Variants in ADAMTS6 observed in about 807,000 individuals in gnomAD.
ADAMTS6 encodes A disintegrin and metalloproteinase with thrombospondin motifs 6.
A neutral mutation model predicts 144.3 loss-of-function variants in ADAMTS6; 23 were observed. The ratio of observed to expected loss-of-function variants is 0.16; its 90% CI spans 0.11 to 0.23. The LOEUF is 0.23. ADAMTS6 is among the 10% of genes least tolerant of loss of function. ADAMTS6 has a pLI of 1.00. For synonymous variants in ADAMTS6, 444 were observed against 457.5 expected, an observed-to-expected ratio of 0.97 and a Z score of 0.38; for missense variants, 999 against 1,379.6, an observed-to-expected ratio of 0.72 and a Z score of 4.37.
At chr5:65,152,065 A>T in intron 24 of ADAMTS6, 120 bp from the exon 25 acceptor site, 1 of 727,980 alleles carries the variant, frequency 1.4e-6, no homozygotes, top group Non-Finnish European at 2.3e-6. Flanking sequence ...CTTGGCTTCG[A>T]CCTCCATGTG....
intron 7 of ADAMTS6, among the ~76,000 whole-genome samples, chr5:65,449,895 A>C (rs1758600958): frequency 6.6e-6 from 1 of 152,164 alleles, no homozygotes; most frequent in Non-Finnish European, 1.5e-5. Flanking sequence ...AAAGGTAAAA[A>C]TCCAATGGAG....
In ADAMTS6 at chr5:65,470,871, C is replaced by A; in HGVS notation, c.369G>T (p.Trp123Cys). 1 of 1,610,236 alleles carries A rather than the reference C, an allele frequency of 6.2e-7. No homozygotes were observed. Among genetic ancestry groups the A allele is most frequent in the South Asian group, 1.1e-5 (1 of 90,240 alleles). Residue 123 changes from tryptophan (W) to cysteine (C), a missense_variant, in exon 3 of 25, where the codon TGG becomes TGT. By Grantham distance (215) the Trp-to-Cys change is radical. Around this residue, in one of 3 missense-constraint regions of ADAMTS6, gnomAD observed 252 missense variants for 293.7 expected, o/e 0.86. Coordinates refer to ENST00000381055, the MANE Select transcript of ADAMTS6 (RefSeq NM_197941.4). ...VEYWGKDGPQ[W>C]KHDFLDNCHY... ...GACAGTTGTCTAAAAAATCATGTTT[C>A]CACTGGGGTCCATCTTTCCCCCAAT...
At chr5:65,298,194 A>G (rs563812135) in intron 10 of ADAMTS6, among the ~76,000 whole-genome samples, 1 of 152,302 alleles carries the variant, frequency 6.6e-6, no homozygotes, top group African/African-American at 2.4e-5. Context: ...AGAAGATCAC[A>G]ACTGGTCCTT....
chr5:65,349,930 T>C (rs1748696979), intron 7 of ADAMTS6, among the ~76,000 whole-genome samples: 1 of 152,134 alleles, frequency 6.6e-6, no homozygotes, highest in Admixed American at 6.5e-5. Flanking sequence ...CAGTGTCTTA[T>C]AAACAGAATT....
At chr5:65,295,507 A>C (rs1462291072) in intron 10 of ADAMTS6, among the ~76,000 whole-genome samples, 1 of 152,072 alleles carries the variant, frequency 6.6e-6, no homozygotes, top group Non-Finnish European at 1.5e-5. Flanking sequence ...AGAAAACATG[A>C]ACCTCACTCA....
intron 7 of ADAMTS6, among the ~76,000 whole-genome samples, chr5:65,338,996 T>C (rs568694600): frequency 6.6e-6 from 1 of 152,172 alleles, no homozygotes; most frequent in South Asian, 2.1e-4. Context: ...ACCTGAGAAA[T>C]AGCCCTCCAA....
At chr5:65,322,355 G>T (rs769916585) in intron 9 of ADAMTS6, among the ~76,000 whole-genome samples, 44 of 152,020 alleles carry the variant, frequency 2.9e-4, no homozygotes, top group Non-Finnish European at 5.0e-4. Flanking sequence ...ATTTATTCAG[G>T]CTCCATTTCG....
At chr5:65,470,701 T>C in intron 3 of ADAMTS6, 77 bp downstream of exon 3, 2 of 1,259,322 alleles carry the variant, frequency 1.6e-6, no homozygotes, top group Non-Finnish European at 2.1e-6. Context: ...TATTTTTTTT[T>C]TAATCTGAGG....
At chr5:65,260,469 T>C in intron 14 of ADAMTS6, 131 bp downstream of exon 14, 4 of 705,820 alleles carry the variant, frequency 5.7e-6, no homozygotes, top group Middle Eastern at 2.8e-4. Flanking sequence ...CATTCATTAT[T>C]AACAATTTAG....
At chr5:65,304,430 T>C (rs1743734754) in intron 9 of ADAMTS6, among the ~76,000 whole-genome samples, 1 of 152,070 alleles carries the variant, frequency 6.6e-6, no homozygotes, top group African/African-American at 2.4e-5. Context: ...TTAATATGAG[T>C]GGATCTTTTT....
chr5:65,417,349 A>G (rs1284067147), intron 7 of ADAMTS6, among the ~76,000 whole-genome samples: 1 of 152,198 alleles, frequency 6.6e-6, no homozygotes, highest in African/African-American at 2.4e-5. Flanking sequence ...CACCATTCCT[A>G]TTCAACATAG....
At position 65,302,631 on chromosome 5, in the gene ADAMTS6, G is replaced by A. The variant is rs144480131; in HGVS notation, c.1224-2500C>T. Among the ~76,000 whole-genome samples the A allele has an allele frequency of 1.4e-3, 212 of 152,114 alleles. 3 individuals are homozygous for A. Among genetic ancestry groups the A allele is most frequent in the African/African-American group, 4.9e-3 (202 of 41,524 alleles). ...AAGGAATGTGAAGGTGAAGTTTCAA[G>A]TGTGTCAAATCAAACATATATTCTG... On this transcript the variant is annotated intron_variant, in intron 9 of 24. Transcript: ENST00000381055.
At chr5:65,439,282 G>T (rs1160489723) in intron 7 of ADAMTS6, among the ~76,000 whole-genome samples, 1 of 152,060 alleles carries the variant, frequency 6.6e-6, no homozygotes, top group Admixed American at 6.6e-5. Context: ...TCATAAGAAA[G>T]TAGATCTTTA....
At chr5:65,413,290 T>C (rs145525479) in intron 7 of ADAMTS6, among the ~76,000 whole-genome samples, 1 of 152,270 alleles carries the variant, frequency 6.6e-6, no homozygotes, top group African/African-American at 2.4e-5. Flanking sequence ...AAATGAAAAC[T>C]TGGCATGATA....
At chr5:65,474,483 A>C (rs1194123313) in intron 1 of ADAMTS6, among the ~76,000 whole-genome samples, 1 of 152,130 alleles carries the variant, frequency 6.6e-6, no homozygotes, top group African/African-American at 2.4e-5. Context: ...ACTTCTAAAA[A>C]GTTGAACTGT....
chr5:65,164,313 C>T (rs778163900), intron 24 of ADAMTS6, among the ~76,000 whole-genome samples: 43 of 150,826 alleles, frequency 2.9e-4, no homozygotes, highest in Non-Finnish European at 5.1e-4. Flanking sequence ...GAATATTGCG[C>T]TTTTCAGACC....
At chr5:65,377,750 C>G (rs1204129612) in intron 7 of ADAMTS6, among the ~76,000 whole-genome samples, 2 of 152,274 alleles carry the variant, frequency 1.3e-5, no homozygotes, top group Admixed American at 6.5e-5. Flanking sequence ...CGTAGCTTCT[C>G]ATGTCAGCCA....
intron 1 of ADAMTS6, among the ~76,000 whole-genome samples, chr5:65,478,957 G>C (rs1761026443): frequency 6.6e-6 from 1 of 152,196 alleles, no homozygotes; most frequent in African/African-American, 2.4e-5. Flanking sequence ...GCCCTGATTG[G>C]AGGGTATTAC....
intron 1 of ADAMTS6, among the ~76,000 whole-genome samples, chr5:65,478,244 C>T (rs150382495): frequency 1.3e-5 from 2 of 152,196 alleles, no homozygotes; most frequent in African/African-American, 4.8e-5. Context: ...CTTTCTGACA[C>T]CTGGTGGGGA....
Sources: gnomAD v4.1 joint callset for allele counts (sites outside exome capture counted in the v4.1 genomes callset) on GRCh38, gnomAD v4.1.1 for gene constraint, gnomAD v4.1.1 regional missense constraint, MANE v1.5 for transcripts, NCBI Gene and HGNC (gene_info 2026-07-23, HGNC 2026-07-21) for gene names.